MARK1: variants seen among roughly 807,000 people sequenced by gnomAD.
MARK1 encodes the protein microtubule affinity regulating kinase 1, also known as serine/threonine-protein kinase MARK1.
Under a neutral mutation model 96.3 loss-of-function variants are expected in MARK1, and 40 were observed. That is an observed-to-expected ratio of 0.42 (90% CI 0.32 to 0.54). MARK1 has a LOEUF of 0.54. Ranked by LOEUF, MARK1 falls within the 20% of genes least tolerant of loss-of-function variation. The probability of loss-of-function intolerance (pLI) is 0.16; values close to 1 mark genes in which losing one functional copy is unlikely to be tolerated. For synonymous variants in MARK1, 317 were observed against 341.2 expected (o/e 0.93, Z 0.78); for missense variants, 719 against 984.6 (o/e 0.73, Z 3.61).
At position 220,579,387 on chromosome 1, in the gene MARK1, A is replaced by T. The variant is rs752210083; in HGVS notation, c.85A>T (p.Ile29Phe). The change falls in exon 2 of 18, where the codon ATC becomes TTC. Residue 29 changes from isoleucine (I) to phenylalanine (F), a missense_variant. Physicochemically the swap from Ile to Phe is conservative, Grantham distance 21 (BLOSUM62 0). Around this residue, in one of 4 missense-constraint regions of MARK1, gnomAD observed 105 missense variants for 133.4 expected, o/e 0.79. Coordinates refer to ENST00000366917, the MANE Select transcript of MARK1 (RefSeq NM_018650.5). The part of the protein sequence containing the change: ...TSVDGYTEPH[I>F]QPTKSSSRQN... ...TGTGGATGGATATACTGAACCACAC[A>T]TCCAGCCTACCAAGTCGAGTAGCAG... is the stretch of plus-strand genomic sequence containing the variant. The T allele has an allele frequency of 6.2e-7, 1 of 1,614,086 alleles. No homozygotes were observed. The highest frequency in any genetic ancestry group is 2.2e-5 in the East Asian group (1 of 44,864).
chr1:220,536,551 T>A (rs1660696606), intron 1 of MARK1, among the ~76,000 whole-genome samples: 1 of 151,714 alleles, frequency 6.6e-6, no homozygotes, highest in Admixed American at 6.6e-5. Context: ...ATTTAACCAG[T>A]CCTCTCTCTC....
intron 1 of MARK1, among the ~76,000 whole-genome samples, chr1:220,534,739 C>T (rs1015899486): frequency 1.3e-5 from 2 of 152,090 alleles, no homozygotes; most frequent in African/African-American, 4.8e-5. Context: ...ATGAGTTTGA[C>T]TACTTTAGAT....
intron 1 of MARK1, among the ~76,000 whole-genome samples, chr1:220,539,872 G>A (rs1203792391): frequency 2.0e-5 from 3 of 151,282 alleles, no homozygotes; most frequent in Non-Finnish European, 4.4e-5. Context: ...TTTTTATCAT[G>A]GTAATGCTGG....
intron 6 of MARK1, 134 bp downstream of exon 6, chr1:220,604,271 G>A: frequency 6.1e-5 from 29 of 476,302 alleles, no homozygotes; most frequent in South Asian, 2.7e-4. Flanking sequence ...TTTTAAGGAT[G>A]GAAAACTCCT....
At chr1:220,636,890 G>A (rs966823102) in intron 13 of MARK1, among the ~76,000 whole-genome samples, 4 of 149,310 alleles carry the variant, frequency 2.7e-5, no homozygotes, top group African/African-American at 7.4e-5. Flanking sequence ...GCAGCAGAGC[G>A]AGACTCCGTT....
At chr1:220,573,158 G>A (rs1163733224) in intron 1 of MARK1, among the ~76,000 whole-genome samples, 1 of 151,698 alleles carries the variant, frequency 6.6e-6, no homozygotes, top group Non-Finnish European at 1.5e-5. Flanking sequence ...GTTTGTTTTG[G>A]TATTTATCCT....
chr1:220,536,773 G>T (rs530928059), intron 1 of MARK1, among the ~76,000 whole-genome samples: 9 of 152,090 alleles, frequency 5.9e-5, no homozygotes, highest in Non-Finnish European at 1.0e-4. Flanking sequence ...GTAGAAACAG[G>T]TTTCGCCATG....
chr1:220,576,954 A>G (rs1261764481), intron 1 of MARK1, among the ~76,000 whole-genome samples: 1 of 152,148 alleles, frequency 6.6e-6, no homozygotes, highest in Non-Finnish European at 1.5e-5. Context: ...GGAGATACTC[A>G]TATTAAATCT....
intron 9 of MARK1, among the ~76,000 whole-genome samples, chr1:220,623,484 A>G: frequency 6.6e-6 from 1 of 152,182 alleles, no homozygotes; most frequent in East Asian, 1.9e-4. Flanking sequence ...TTCCATTCTG[A>G]GAAGATTACT....
chr1:220,655,263 A>G (rs1331080305), intron 16 of MARK1, among the ~76,000 whole-genome samples: 1 of 149,474 alleles, frequency 6.7e-6, no homozygotes, highest in African/African-American at 2.5e-5. Context: ...TTTTCCTTAC[A>G]CTCTTGGTGA....
At chr1:220,619,188 T>C (rs1666922480) in intron 9 of MARK1, among the ~76,000 whole-genome samples, 1 of 152,192 alleles carries the variant, frequency 6.6e-6, no homozygotes, top group Non-Finnish European at 1.5e-5. Context: ...CATTTAAAAA[T>C]GTAGGGCTGG....
At chr1:220,573,355 G>T (rs575624905) in intron 1 of MARK1, among the ~76,000 whole-genome samples, 2 of 151,834 alleles carry the variant, frequency 1.3e-5, no homozygotes, top group Non-Finnish European at 2.9e-5. Flanking sequence ...ATGGAGTCTC[G>T]CTTTGTCGCC....
intron 6 of MARK1, among the ~76,000 whole-genome samples, chr1:220,613,677 A>G (rs540818225): frequency 1.2e-4 from 19 of 152,328 alleles, no homozygotes; most frequent in Non-Finnish European, 1.2e-4. Context: ...CTTTTGGCTA[A>G]TGAACATAAT....
intron 1 of MARK1, among the ~76,000 whole-genome samples, chr1:220,529,126 G>C (rs1178649591): frequency 6.6e-6 from 1 of 152,222 alleles, no homozygotes; most frequent in Non-Finnish European, 1.5e-5. Context: ...GGTCCTCCAG[G>C]GGCGGATGGG....
chr1:220,608,242 G>A (rs1432691414), intron 6 of MARK1, among the ~76,000 whole-genome samples: 1 of 152,088 alleles, frequency 6.6e-6, no homozygotes, highest in Non-Finnish European at 1.5e-5. Flanking sequence ...GCCTGTTATT[G>A]GTCTATTCAG....
chr1:220,633,795 TAGGAAAG>T (rs1282266818), intron 11 of MARK1, among the ~76,000 whole-genome samples: 1 of 152,188 alleles, frequency 6.6e-6, no homozygotes, highest in African/African-American at 2.4e-5. Flanking sequence ...TTTGCCAAGA[TAGGAAAG>T]GTACAGATTT....
intron 17 of MARK1, among the ~76,000 whole-genome samples, chr1:220,660,431 G>T (rs1214151244): frequency 2.0e-5 from 3 of 152,018 alleles, no homozygotes; most frequent in Admixed American, 1.3e-4. Flanking sequence ...AAATGAAGTA[G>T]ATAATATATA....
chr1:220,553,727 A>AGCT (rs1662041853), intron 1 of MARK1, among the ~76,000 whole-genome samples: 1 of 152,150 alleles, frequency 6.6e-6, no homozygotes, highest in African/African-American at 2.4e-5. Flanking sequence ...GTAAGCTACT[A>AGCT]GCTGCTTCCT....
intron 13 of MARK1, among the ~76,000 whole-genome samples, chr1:220,646,953 A>G (rs1278968181): frequency 2.0e-5 from 3 of 152,202 alleles, no homozygotes; most frequent in East Asian, 1.9e-4. Flanking sequence ...TAAAATCCCT[A>G]GAAGAAAATC....
Sources: gnomAD v4.1 joint callset for allele counts (sites outside exome capture counted in the v4.1 genomes callset) on GRCh38, gnomAD v4.1.1 for gene constraint, gnomAD v4.1.1 regional missense constraint, MANE v1.5 for transcripts, NCBI Gene and HGNC (gene_info 2026-07-23, HGNC 2026-07-21) for gene names.